Variants in INF2 observed in about 807,000 individuals in gnomAD.
INF2 encodes the protein inverted formin-2.
In INF2, 43 loss-of-function variants were observed where a neutral mutation model predicts 123.5. The ratio of observed to expected loss-of-function variants is 0.35; its 90% CI spans 0.27 to 0.45. The LOEUF (loss-of-function observed/expected upper bound fraction) is 0.45, where lower values mean the gene tolerates loss of function less well. Among genes scored for constraint, INF2 ranks in the 20% least tolerant of loss-of-function variants. The probability of loss-of-function intolerance (pLI) is 1.00; values close to 1 mark genes in which losing one functional copy is unlikely to be tolerated. For synonymous variants in INF2, 851 were observed against 745.0 expected, an observed-to-expected ratio of 1.14 and a Z score of -2.32; for missense variants, 1,453 against 1,682.7, an observed-to-expected ratio of 0.86 and a Z score of 2.39.
intron 1 of INF2, among the ~76,000 whole-genome samples, chr14:104,698,003 T>G (rs1889272649): frequency 6.6e-6 from 1 of 152,260 alleles, no homozygotes; most frequent in Non-Finnish European, 1.5e-5. Flanking sequence ...GGTCCTGCCC[T>G]GCCTCAGCCA....
rs1012766837 is a variant in INF2, at chr14:104,707,991, A to G, written c.1724A>G (p.Asn575Ser). Reference protein sequence around the residue: ...KKLNWQKLPSNVAREHNSMWA... With the variant: ...KKLNWQKLPSSVAREHNSMWA... ...CTGAACTGGCAGAAGCTGCCATCCA[A>G]CGTGGCACGTGGTGAGGGTCCCCAG... The change falls in exon 8 of 23, where the codon AAC becomes AGC. Residue 575 changes from asparagine (N) to serine (S), a missense_variant. Transcript: ENST00000392634. 7 of 1,597,990 alleles carry G rather than the reference A, an allele frequency of 4.4e-6. No individual in the cohort carries two copies. The East Asian group carries it at 1.3e-4, about 31-fold the overall frequency.
At chr14:104,693,145 C>T (rs563538157) in intron 1 of INF2, among the ~76,000 whole-genome samples, 19 of 152,258 alleles carry the variant, frequency 1.2e-4, no homozygotes, top group Non-Finnish European at 2.5e-4. Context: ...GCCAAGGCCC[C>T]TGGCCCTGGT....
intron 12 of INF2, among the ~76,000 whole-genome samples, 178 bp from the exon 13 acceptor site, chr14:104,709,910 C>T (rs1426622542): frequency 1.3e-5 from 2 of 152,164 alleles, no homozygotes; most frequent in African/African-American, 4.8e-5. Flanking sequence ...GGCTGGAGGC[C>T]TCTGGAGGAA....
At chr14:104,715,726 A>C in intron 22 of INF2, 2 of 519,852 alleles carry the variant, frequency 3.8e-6, no homozygotes, top group Non-Finnish European at 7.4e-6. Flanking sequence ...CCTGGCGCTA[A>C]CTGCAGTTCC....
intron 1 of INF2, among the ~76,000 whole-genome samples, chr14:104,697,555 C>T (rs565016231): frequency 6.6e-6 from 1 of 152,374 alleles, no homozygotes; most frequent in Non-Finnish European, 1.5e-5. Context: ...CTCAGCTTGA[C>T]TGTTGACTGC....
chr14:104,710,886 T>A, intron 13 of INF2, 51 bp from the exon 14 acceptor site: 2 of 1,544,488 alleles, frequency 1.3e-6, no homozygotes, highest in Non-Finnish European at 1.8e-6. Flanking sequence ...CGCCAGGGCA[T>A]CTGGGGGCTC....
chr14:104,705,942 C>CGGGGCTGGTACACTGGCGCT (rs1033381959), intron 5 of INF2, 93 bp from the exon 6 acceptor site: 28 of 1,492,020 alleles, frequency 1.9e-5, no homozygotes, highest in Non-Finnish European at 2.2e-5. Context: ...GTGGGCTGAG[C>CGGGGCTGGTACACTGGCGCT]GGGGCTGGTA....
In INF2 at chr14:104,715,671, AC is replaced by A. The variant is rs1890266619; in HGVS notation, c.*1+333del. On this transcript the variant is annotated intron_variant, in intron 22 of 22. Coordinates refer to ENST00000392634, the MANE Select transcript of INF2 (RefSeq NM_022489.4). ...ATCCGGGCCCTGGGGCGTGGGCGGG[AC>A]CTCCTGGCTGGCAGGACAGGCTGAG... 9.0e-6 allele frequency: 5 copies of A among 558,524 alleles called. No homozygotes were observed. The Admixed American group carries it at 1.2e-4, about 13-fold the overall frequency. The allele number at this position is 558,524 out of a possible 1,614,324, so 34.6% of individuals were successfully genotyped here.
At chr14:104,698,122 T>C (rs1363366031) in intron 1 of INF2, among the ~76,000 whole-genome samples, 1 of 152,224 alleles carries the variant, frequency 6.6e-6, no homozygotes, top group East Asian at 1.9e-4. Flanking sequence ...GACACATTCC[T>C]GCGCTGGTGG....
chr14:104,712,616 A>G lies in INF2; in HGVS notation c.2610+63A>G, dbSNP rs773213920. On this transcript the variant is annotated intron_variant, in intron 17 of 22. Coordinates refer to ENST00000392634, the MANE Select transcript of INF2 (RefSeq NM_022489.4). ...CTGCCCTGATAGAGTGAGCTGGGCG[A>G]GTGGCTGTGCTGTCTCCTGGCTCCA... 1.1e-3 allele frequency: 1,727 copies of G among 1,607,460 alleles called. 2 individuals are homozygous for G. Among genetic ancestry groups the G allele is most frequent in the Non-Finnish European group, 1.3e-3 (1,554 of 1,176,360 alleles).
In INF2 at chr14:104,711,164, C is replaced by T. The variant is rs1187599632; in HGVS notation, c.2396C>T (p.Thr799Met). 3 of 1,565,368 alleles carry T rather than the reference C, an allele frequency of 1.9e-6. No individual in the cohort carries two copies. Among genetic ancestry groups the T allele is most frequent in the South Asian group, 1.2e-5 (1 of 85,256 alleles). The change falls in exon 15 of 23, where the codon ACG (threonine) becomes ATG (methionine). Residue 799 changes from threonine (T) to methionine (M), a missense_variant. This residue lies in a region of INF2 where 31 missense variants were observed against 86.0 expected (regional missense o/e 0.36). Transcript: ENST00000392634. ...TETKSQQNRV[T>M]LLHHVLEEAE... ...ACCAAGTCCCAGCAGAACCGCGTGA[C>T]GCTGCTGCACCACGTGCTGGAGGTG...
At chr14:104,713,738 G>A (rs1890162891) in intron 20 of INF2, 132 bp downstream of exon 20, 2 of 1,009,254 alleles carry the variant, frequency 2.0e-6, no homozygotes, top group African/African-American at 1.6e-5. Flanking sequence ...CCCTAAGACT[G>A]GGGACAGCCG....
intron 5 of INF2, chr14:104,704,894 C>T (rs1040289582): frequency 6.6e-6 from 1 of 152,152 alleles, no homozygotes; most frequent in Admixed American, 6.6e-5. Context: ...TAAGTATATC[C>T]CAGATGTTGC....
Position 104,715,288 on chromosome 14 carries a change from TC to T in INF2, c.3704del (p.Pro1235LeufsTer13). 1 of 1,613,390 alleles carries T rather than the reference TC, an allele frequency of 6.2e-7. No homozygotes were observed. The highest frequency in any genetic ancestry group is 8.5e-7 in the Non-Finnish European group (1 of 1,179,630). ...KRPSRSQEEV[P>X]PDSDDNKTKK... is the part of the protein sequence containing the mutation. The stretch of plus-strand genomic sequence containing the variant: ...GTTTCTTTTATTTGGAAGCAGAGGT[TC>T]CCCCTGATTCTGATGATAATAAAAC... On this transcript the variant is annotated frameshift_variant, in exon 22 of 23. Transcript: ENST00000392634. LOFTEE classifies it high-confidence loss of function.
Position 104,684,269 on chromosome 14 carries a change from G to T in INF2, c.-104+2687G>T. 2.5e-6 allele frequency: 1 copy of T among 394,780 alleles called. No individual in the cohort carries two copies. The highest frequency in any genetic ancestry group is 5.1e-6 in the Non-Finnish European group (1 of 196,100). 24.5% of individuals were successfully genotyped at this position (394,780 alleles called of 1,614,324 possible). ...TCGAGGGCTCACTGGAGGTCAGCAG[G>T]GAGGTGGACTGCGTCTCCCGAGGGC... On this transcript the variant is annotated intron_variant, in intron 1 of 2. Transcript: ENST00000674723. The surrounding 1 kb of genome is among the most constrained non-coding windows in gnomAD (Gnocchi z 5.0).
rs1373095437 is a variant in INF2, at chr14:104,701,394, A to G, written c.29A>G (p.Lys10Arg). MSVKEGAQR[K>R]WAALKEKLGP... ...TCGGTGAAGGAGGGCGCACAGCGCA[A>G]GTGGGCAGCGCTGAAGGAGAAGCTG... The change falls in exon 2 of 23, where the codon AAG becomes AGG. Residue 10 changes from lysine to arginine, a missense_variant. Transcript: ENST00000392634. 1 of 1,592,068 alleles carries G rather than the reference A, an allele frequency of 6.3e-7. No individual in the cohort carries two copies. Among genetic ancestry groups the G allele is most frequent in the Admixed American group, 1.7e-5 (1 of 58,058 alleles).
intron 4 of INF2, 148 bp downstream of exon 4, chr14:104,703,602 C>T: frequency 9.0e-7 from 1 of 1,113,844 alleles, no homozygotes; most frequent in Non-Finnish European, 1.3e-6. Context: ...GGGCCTGCCA[C>T]CACCTGCCCC....
intron 2 of INF2, among the ~76,000 whole-genome samples, chr14:104,702,089 G>C (rs1889542970): frequency 6.6e-6 from 1 of 151,948 alleles, no homozygotes; most frequent in South Asian, 2.1e-4. Flanking sequence ...TCCACACCTC[G>C]GCGGCAGGAG....
At chr14:104,689,286 G>T, upstream of INF2, 2 of 983,494 alleles carry the variant, frequency 2.0e-6, no homozygotes, top group Non-Finnish European at 2.4e-6. Flanking sequence ...GGAGGATAGG[G>T]GTGTAGGTGG....
Sources: allele counts gnomAD v4.1 joint callset (sites outside exome capture counted in the v4.1 genomes callset), GRCh38; gene constraint gnomAD v4.1.1; regional missense constraint gnomAD v4.1.1; non-coding constraint Gnocchi (gnomAD v3.1); transcripts MANE v1.5; gene names NCBI Gene and HGNC (gene_info 2026-07-23, HGNC 2026-07-21).